ATP8B4: variants seen among roughly 807,000 people sequenced by gnomAD.
ATP8B4 encodes the protein probable phospholipid-transporting ATPase IM.
Under a neutral mutation model 145.6 loss-of-function variants are expected in ATP8B4, and 133 were observed. The ratio of observed to expected loss-of-function variants is 0.91; its 90% CI spans 0.79 to 1.05. The LOEUF (loss-of-function observed/expected upper bound fraction) is 1.05, where lower values mean the gene tolerates loss of function less well. Ranked by LOEUF, ATP8B4 falls within the 50% of genes least tolerant of loss-of-function variation. The pLI is 0.00. For missense variants in ATP8B4, 1,458 were observed against 1,425.2 expected (o/e 1.02, Z -0.37); for synonymous variants, 507 against 492.9 (o/e 1.03, Z -0.38).
At chr15:49,935,847 T>C (rs1032269311) in intron 14 of ATP8B4, among the ~76,000 whole-genome samples, 1 of 152,196 alleles carries the variant, frequency 6.6e-6, no homozygotes, top group African/African-American at 2.4e-5. Context: ...TTTAATTTCC[T>C]TAATGATTAT....
intron 6 of ATP8B4, among the ~76,000 whole-genome samples, chr15:50,033,152 C>T (rs190666995): frequency 3.3e-5 from 5 of 152,298 alleles, no homozygotes; most frequent in Admixed American, 6.5e-5. Context: ...AAGCTCCTTC[C>T]TTTCCCCATA....
intron 11 of ATP8B4, among the ~76,000 whole-genome samples, chr15:49,980,737 T>A (rs1229198944): frequency 6.6e-6 from 1 of 152,206 alleles, no homozygotes; most frequent in Non-Finnish European, 1.5e-5. Context: ...CCTTCTGTCC[T>A]AAAAGTATTA....
chr15:49,916,669 A>G (rs988421393), intron 20 of ATP8B4, among the ~76,000 whole-genome samples: 3 of 152,192 alleles, frequency 2.0e-5, no homozygotes, highest in African/African-American at 7.2e-5. Context: ...TTAAAGGACA[A>G]CTCAACATAG....
At chr15:50,047,323 T>C (rs201100931) in intron 4 of ATP8B4, 28 bp downstream of exon 4, 185 of 1,356,806 alleles carry the variant, frequency 1.4e-4, no homozygotes, top group Admixed American at 2.8e-4. Flanking sequence ...AACAAACAGA[T>C]AATAGAGAAA....
intron 27 of ATP8B4, among the ~76,000 whole-genome samples, 167 bp from the exon 28 acceptor site, chr15:49,860,642 T>G (rs922362319): frequency 6.6e-6 from 1 of 151,982 alleles, no homozygotes; most frequent in African/African-American, 2.4e-5. Flanking sequence ...AAGATAACAC[T>G]GGGGGGGCAC....
chr15:50,003,315 T>C (rs1353271243), intron 7 of ATP8B4, among the ~76,000 whole-genome samples: 1 of 149,432 alleles, frequency 6.7e-6, no homozygotes, highest in Admixed American at 6.7e-5. Context: ...TGTGTGTGGT[T>C]TTGTCTAAAC....
At chr15:49,933,996 C>T in intron 15 of ATP8B4, 21 bp downstream of exon 15, 1 of 1,501,658 alleles carries the variant, frequency 6.7e-7, no homozygotes, top group Non-Finnish European at 8.9e-7. Context: ...GTTCACCACT[C>T]AGACATAACT....
At chr15:49,901,659 AG>A in intron 20 of ATP8B4, 1 of 285,992 alleles carries the variant, frequency 3.5e-6, no homozygotes, top group South Asian at 3.2e-5. Flanking sequence ...TAGGAATTCC[AG>A]GACATCTATA....
At position 49,858,591 on chromosome 15, in the gene ATP8B4, C is replaced by G. The variant is rs1290804492; in HGVS notation, c.*1603G>C. ...TCTTGGGAAATGTAACTTTGTCTGA[C>G]CAAGAATTTAATAGGGACCAGATTA... On this transcript the variant is annotated 3_prime_UTR_variant, in exon 28 of 28. Transcript: ENST00000284509. 6.6e-6 allele frequency: 1 copy of G among 152,124 alleles called. No homozygotes were observed. Among genetic ancestry groups the G allele is most frequent in the Non-Finnish European group, 1.5e-5 (1 of 68,022 alleles). 9.4% of individuals were successfully genotyped at this position (152,124 alleles called of 1,614,324 possible).
At chr15:49,984,316 T>C (rs887656952) in intron 10 of ATP8B4, among the ~76,000 whole-genome samples, 6 of 152,232 alleles carry the variant, frequency 3.9e-5, no homozygotes, top group Non-Finnish European at 7.3e-5. Flanking sequence ...TTTAAGACTG[T>C]GTCTCATTCA....
At chr15:49,931,039 C>T in intron 16 of ATP8B4, 80 bp downstream of exon 16, 1 of 1,445,972 alleles carries the variant, frequency 6.9e-7, no homozygotes, top group South Asian at 1.4e-5. Context: ...CAGCACATAG[C>T]CAAAAGTGAA....
At chr15:50,056,172 T>C (rs1324285814) in intron 3 of ATP8B4, among the ~76,000 whole-genome samples, 1 of 152,152 alleles carries the variant, frequency 6.6e-6, no homozygotes, top group Non-Finnish European at 1.5e-5. Flanking sequence ...AAAACGTGTA[T>C]GAGGAGGCAA....
At chr15:49,876,069 A>G (rs2034368765) in intron 25 of ATP8B4, among the ~76,000 whole-genome samples, 1 of 152,218 alleles carries the variant, frequency 6.6e-6, no homozygotes, top group Admixed American at 6.5e-5. Context: ...GGTTTCTACT[A>G]ACATGAATGT....
At chr15:50,095,818 G>A (rs1439987429) in intron 2 of ATP8B4, among the ~76,000 whole-genome samples, 1 of 151,980 alleles carries the variant, frequency 6.6e-6, no homozygotes, top group African/African-American at 2.4e-5. Flanking sequence ...CTACTTGTCA[G>A]AGCAATATTC....
chr15:49,901,897 G>C (rs573804885), intron 20 of ATP8B4: 1 of 375,712 alleles, frequency 2.7e-6, no homozygotes, highest in South Asian at 2.0e-5. Context: ...AAAATATAGA[G>C]GGTTGTTCCA....
At chr15:50,162,154 T>C (rs1440971006) in intron 1 of ATP8B4, among the ~76,000 whole-genome samples, 2 of 152,136 alleles carry the variant, frequency 1.3e-5, no homozygotes, top group Admixed American at 1.3e-4. Context: ...AGCTTTCTTG[T>C]ATGTTACTTT....
At position 49,957,937 on chromosome 15, in the gene ATP8B4, C is replaced by A. The variant is rs2153503389; in HGVS notation, c.1287+4040G>T. On this transcript the variant is annotated intron_variant, in intron 14 of 27. Transcript: ENST00000284509. Reference sequence around the variant, plus strand: ...CTAAATTATACATAGCTAATTCCTACCTTAAGAACAGAGAATACAAGTACT... The same window carrying A: ...CTAAATTATACATAGCTAATTCCTAACTTAAGAACAGAGAATACAAGTACT... 1.3e-5 allele frequency among the ~76,000 whole-genome samples: 2 copies of A among 151,842 alleles called. 1 individual carries two copies. The highest frequency in any genetic ancestry group is 4.8e-5 in the African/African-American group (2 of 41,514).
chr15:50,044,322 T>C (rs1191319950), intron 5 of ATP8B4, among the ~76,000 whole-genome samples: 2 of 152,198 alleles, frequency 1.3e-5, no homozygotes, highest in South Asian at 4.1e-4. Flanking sequence ...CACAAATTGG[T>C]TGTATTATTA....
chr15:49,889,093 G>C (rs756389814), intron 23 of ATP8B4, among the ~76,000 whole-genome samples: 1 of 151,912 alleles, frequency 6.6e-6, no homozygotes, highest in Non-Finnish European at 1.5e-5. Context: ...ATTAGGGGTT[G>C]AGGGAAGACA....
Sources: allele counts gnomAD v4.1 joint callset (sites outside exome capture counted in the v4.1 genomes callset), GRCh38; gene constraint gnomAD v4.1.1; transcripts MANE v1.5; gene names NCBI Gene and HGNC (gene_info 2026-07-23, HGNC 2026-07-21).